Variants in HELZ observed in about 807,000 individuals in gnomAD.
HELZ encodes the protein helicase with zinc finger.
Under a neutral mutation model 218.2 loss-of-function variants are expected in HELZ, and 23 were observed. That is an observed-to-expected ratio of 0.11 (90% CI 0.08 to 0.15). HELZ has a LOEUF of 0.15. Among genes scored for constraint, HELZ ranks in the 10% least tolerant of loss-of-function variants. The pLI, the probability that HELZ is intolerant of heterozygous loss-of-function variation, is 1.00. For missense variants in HELZ, 1,813 were observed against 2,353.7 expected (o/e 0.77, Z 4.75); for synonymous variants, 814 against 829.4 (o/e 0.98, Z 0.32).
At chr17:67,235,880 A>C (rs1456240537) in intron 3 of HELZ, among the ~76,000 whole-genome samples, 2 of 148,784 alleles carry the variant, frequency 1.3e-5, no homozygotes, top group Admixed American at 6.8e-5. Flanking sequence ...CCTGCCTCAG[A>C]CTCCCGAGTA....
chr17:67,104,363 C>T (rs1202540909), intron 31 of HELZ, among the ~76,000 whole-genome samples: 46 of 147,150 alleles, frequency 3.1e-4, no homozygotes, highest in Non-Finnish European at 1.9e-4. Context: ...GGCGTGAACC[C>T]GGGAGGCGGA....
At position 67,120,392 on chromosome 17, in the gene HELZ, AAGT is replaced by A; in HGVS notation, c.3838+10_3838+12del. ...TCAGTTTATGAACAGGAGAACAGCG[AAGT>A]ACAACTTACCATTTCGATTTTGCTC... On this transcript the variant is annotated intron_variant, in intron 27 of 32. Transcript: ENST00000358691. 7 of 1,607,632 alleles carry A rather than the reference AAGT, an allele frequency of 4.4e-6. No individual in the cohort carries two copies. The highest frequency in any genetic ancestry group is 6.0e-6 in the Non-Finnish European group (7 of 1,174,190).
intron 24 of HELZ, among the ~76,000 whole-genome samples, chr17:67,126,512 G>A (rs963563950): frequency 3.3e-5 from 5 of 152,116 alleles, no homozygotes; most frequent in African/African-American, 4.8e-5. Flanking sequence ...AATTTACTTA[G>A]TTTATATAAA....
At chr17:67,085,736 T>C (rs35962331) in intron 32 of HELZ, among the ~76,000 whole-genome samples, 28,965 of 151,994 alleles carry the variant, frequency 0.19, 3,172 homozygotes, top group Non-Finnish European at 0.23. Context: ...CTCAGACTTG[T>C]TCACAAAGAT....
intron 5 of HELZ, among the ~76,000 whole-genome samples, chr17:67,205,807 T>C (rs2040281485): frequency 1.3e-5 from 2 of 152,254 alleles, no homozygotes; most frequent in African/African-American, 2.4e-5. Flanking sequence ...TGTATGAATA[T>C]CTTAATATTT....
intron 3 of HELZ, among the ~76,000 whole-genome samples, chr17:67,222,739 T>G (rs1241726658): frequency 9.9e-5 from 15 of 152,194 alleles, no homozygotes; most frequent in Admixed American, 9.8e-4. Context: ...CAAAACTGTC[T>G]GTCAAAGTCA....
chr17:67,099,384 C>T (rs1434743411), intron 31 of HELZ, among the ~76,000 whole-genome samples: 1 of 40,418 alleles, frequency 2.5e-5, no homozygotes, highest in African/African-American at 1.1e-4. Flanking sequence ...CAGAGAGATT[C>T]TTAAAGAGAT....
At chr17:67,122,334 A>G (rs1478972341) in intron 26 of HELZ, among the ~76,000 whole-genome samples, 1 of 152,214 alleles carries the variant, frequency 6.6e-6, no homozygotes, top group Admixed American at 6.5e-5. Flanking sequence ...TCACAAGGTC[A>G]GGAGATCGAG....
intron 13 of HELZ, among the ~76,000 whole-genome samples, chr17:67,176,942 A>G (rs1427095903): frequency 6.6e-6 from 1 of 151,696 alleles, no homozygotes; most frequent in Non-Finnish European, 1.5e-5. Flanking sequence ...AAGCCTTCGC[A>G]AGGTACTCAT....
chr17:67,154,273 CA>C (rs1363835106), intron 17 of HELZ, among the ~76,000 whole-genome samples: 1 of 152,016 alleles, frequency 6.6e-6, no homozygotes, highest in Admixed American at 6.6e-5. Flanking sequence ...ACTAAAAATA[CA>C]AAAATTAGCC....
chr17:67,093,064 G>A (rs950140640), intron 31 of HELZ, among the ~76,000 whole-genome samples: 1 of 152,086 alleles, frequency 6.6e-6, no homozygotes, highest in Non-Finnish European at 1.5e-5. Context: ...AGGGAGGCCC[G>A]GAAAGAAACA....
chr17:67,142,267 G>A (rs563988355), intron 21 of HELZ, among the ~76,000 whole-genome samples: 5 of 152,246 alleles, frequency 3.3e-5, no homozygotes, highest in Non-Finnish European at 7.4e-5. Flanking sequence ...AGAACTTTGG[G>A]AGGCTGAGGG....
chr17:67,093,478 G>A (rs1299593968), intron 31 of HELZ, among the ~76,000 whole-genome samples: 2 of 152,206 alleles, frequency 1.3e-5, no homozygotes, highest in Non-Finnish European at 2.9e-5. Flanking sequence ...CACAGTTGAA[G>A]GATATGAGTC....
rs2036033547 is a variant in HELZ, at chr17:67,076,950, A to G, written c.*1302T>C. ...GAAAATAAGGACATATATTGCTTTA[A>G]ATGTGTGACAAGACCATAAGTTTCA... is the stretch of plus-strand genomic sequence containing the variant. On this transcript the variant is annotated 3_prime_UTR_variant, in exon 33 of 33. Transcript: ENST00000358691. The G allele has an allele frequency of 6.6e-6, 1 of 152,172 alleles. No individual in the cohort carries two copies. Among genetic ancestry groups the G allele is most frequent in the African/African-American group, 2.4e-5 (1 of 41,444 alleles). 9.4% of individuals were successfully genotyped at this position (152,172 alleles called of 1,614,324 possible).
At chr17:67,187,733 A>G (rs2039794589) in intron 12 of HELZ, among the ~76,000 whole-genome samples, 1 of 152,192 alleles carries the variant, frequency 6.6e-6, no homozygotes, top group Admixed American at 6.5e-5. Context: ...CAATAAATTG[A>G]CAATGTACAA....
At position 67,178,934 on chromosome 17, in the gene HELZ, G is replaced by A; in HGVS notation, c.1163-8C>T. 6.4e-7 allele frequency: 1 copy of A among 1,556,290 alleles called. No homozygotes were observed. The highest frequency in any genetic ancestry group is 2.0e-5 in the Admixed American group (1 of 51,072). On this transcript the variant is annotated splice_region_variant and splice_polypyrimidine_tract_variant and intron_variant, in intron 12 of 32. Transcript: ENST00000358691. ...GCATCAGGTATTCGAGATCTAAATG[G>A]AAACAAAAAACACATTTATAAAGAA... is the stretch of plus-strand genomic sequence containing the variant.
chr17:67,089,680 G>T (rs1180092936), intron 31 of HELZ, among the ~76,000 whole-genome samples: 20 of 113,998 alleles, frequency 1.8e-4, no homozygotes, highest in African/African-American at 3.2e-4. Context: ...GAGAGAGAGA[G>T]AGAGAGAGAG....
intron 32 of HELZ, among the ~76,000 whole-genome samples, chr17:67,082,478 G>A (rs919336155): frequency 7.2e-5 from 11 of 152,066 alleles, no homozygotes; most frequent in Non-Finnish European, 1.5e-4. Flanking sequence ...CATAAAACTA[G>A]AATTCAGAAG....
chr17:67,176,956 G>A (rs1461281379), intron 13 of HELZ, among the ~76,000 whole-genome samples: 4 of 151,272 alleles, frequency 2.6e-5, no homozygotes, highest in East Asian at 1.9e-4. Context: ...TACTCATAGA[G>A]TGCACTTTCA....
Sources: allele counts gnomAD v4.1 joint callset (sites outside exome capture counted in the v4.1 genomes callset), GRCh38; gene constraint gnomAD v4.1.1; transcripts MANE v1.5; gene names NCBI Gene and HGNC (gene_info 2026-07-23, HGNC 2026-07-21).